The following RAVER2 variants were observed in gnomAD, a reference collection of about 807,000 sequenced individuals.
RAVER2 encodes the protein ribonucleoprotein, PTB binding 2, also known as ribonucleoprotein PTB-binding 2.
Under a neutral mutation model 78.1 loss-of-function variants are expected in RAVER2, and 46 were observed. That is an observed-to-expected ratio of 0.59 (90% CI 0.46 to 0.75). The LOEUF (loss-of-function observed/expected upper bound fraction) is 0.75, where lower values mean the gene tolerates loss of function less well. RAVER2 is among the 30% of genes least tolerant of loss of function. The pLI is 0.00. For synonymous variants in RAVER2, 311 were observed against 313.3 expected (o/e 0.99, Z 0.08); for missense variants, 793 against 837.5 (o/e 0.95, Z 0.66).
chr1:64,783,341 C>T (rs575547071), intron 4 of RAVER2, among the ~76,000 whole-genome samples: 1 of 152,286 alleles, frequency 6.6e-6, no homozygotes, highest in South Asian at 2.1e-4. Context: ...AATTTACACT[C>T]CCACCAACAG....
chr1:64,810,223 A>G (rs1653566681), intron 9 of RAVER2, among the ~76,000 whole-genome samples: 1 of 152,206 alleles, frequency 6.6e-6, no homozygotes, highest in African/African-American at 2.4e-5. Flanking sequence ...ATTTTCCAAC[A>G]TCCTTGCCAA....
chr1:64,801,160 G>A (rs1180383671), intron 5 of RAVER2, among the ~76,000 whole-genome samples: 4 of 151,300 alleles, frequency 2.6e-5, no homozygotes, highest in South Asian at 2.1e-4. Context: ...GTGTAATGGC[G>A]TGATCTCAGC....
intron 11 of RAVER2, 36 bp from the exon 12 acceptor site, chr1:64,830,803 G>T: frequency 6.5e-7 from 1 of 1,538,170 alleles, no homozygotes; most frequent in Non-Finnish European, 8.9e-7. Flanking sequence ...GCCAACTTTA[G>T]ATTTTAAAAC....
chr1:64,750,053 A>G lies in RAVER2; in HGVS notation c.249+4632A>G, dbSNP rs1651654244. Among the ~76,000 whole-genome samples the G allele has an allele frequency of 2.6e-5, 4 of 152,302 alleles. No homozygotes were observed. The South Asian group carries it at 8.3e-4, about 32-fold the overall frequency. ...AGACAATGTGAAGTGCTTAGGGCCA[A>G]CATTCAGGATCAGTAATAGAGGAAA... is the stretch of plus-strand genomic sequence containing the variant. On this transcript the variant is annotated intron_variant, in intron 1 of 11. Coordinates refer to ENST00000294428, the Ensembl canonical transcript of RAVER2.
intron 5 of RAVER2, among the ~76,000 whole-genome samples, chr1:64,790,538 A>G (rs2100853429): frequency 6.6e-6 from 1 of 152,330 alleles, no homozygotes; most frequent in Non-Finnish European, 1.5e-5. Flanking sequence ...TTCAGTGAAA[A>G]GGTTAAAACA....
At chr1:64,769,033 CTG>C (rs2100823493) in intron 2 of RAVER2, among the ~76,000 whole-genome samples, 1 of 152,102 alleles carries the variant, frequency 6.6e-6, no homozygotes, top group African/African-American at 2.4e-5. Flanking sequence ...AGTGAATAGA[CTG>C]TATGACTTGA....
At chr1:64,753,285 G>A (rs1441039741) in intron 1 of RAVER2, among the ~76,000 whole-genome samples, 2 of 151,880 alleles carry the variant, frequency 1.3e-5, no homozygotes, top group African/African-American at 2.4e-5. Flanking sequence ...AAACTCCTAG[G>A]CTCAACCAAT....
At chr1:64,820,444 G>C (rs921356391) in intron 11 of RAVER2, among the ~76,000 whole-genome samples, 25 of 151,924 alleles carry the variant, frequency 1.6e-4, no homozygotes, top group Admixed American at 1.6e-3. Context: ...GGGGGTACAC[G>C]TGAATGTTTA....
At chr1:64,747,012 A>G (rs1249412523) in intron 1 of RAVER2, among the ~76,000 whole-genome samples, 1 of 152,222 alleles carries the variant, frequency 6.6e-6, no homozygotes, top group East Asian at 1.9e-4. Context: ...TTCTAAATAT[A>G]TTTAGACCCC....
chr1:64,753,369 T>A (rs1397244795), intron 1 of RAVER2, among the ~76,000 whole-genome samples: 1 of 152,014 alleles, frequency 6.6e-6, no homozygotes, highest in African/African-American at 2.4e-5. Flanking sequence ...TTAAAAAAAA[T>A]ATTTTTGTTT....
At chr1:64,752,888 A>G (rs886318645) in intron 1 of RAVER2, among the ~76,000 whole-genome samples, 6 of 152,158 alleles carry the variant, frequency 3.9e-5, no homozygotes, top group Non-Finnish European at 8.8e-5. Flanking sequence ...GCTGCAGCTG[A>G]CAGTCATTAA....
At chr1:64,780,787 T>C (rs755789364) in intron 3 of RAVER2, among the ~76,000 whole-genome samples, 4 of 152,226 alleles carry the variant, frequency 2.6e-5, no homozygotes, top group Non-Finnish European at 5.9e-5. Context: ...AAGTTCTACA[T>C]GGCAGGAGTT....
rs1003655891 is a variant in RAVER2, at chr1:64,780,088, A to T, written c.787-1292A>T. Among the ~76,000 whole-genome samples the T allele has an allele frequency of 2.0e-5, 3 of 151,918 alleles. No individual in the cohort carries two copies. In the South Asian group the frequency reaches 6.2e-4, roughly 32 times the overall value. On this transcript the variant is annotated intron_variant, in intron 3 of 11. Coordinates refer to ENST00000294428, the Ensembl canonical transcript of RAVER2. ...TAATGAAATAGAATAGTAAAAAAAA[A>T]TTTTTAAGTTTTCAAAAGATTAATA...
At chr1:64,832,337 A>AT (rs1348913035) in exon 12 of RAVER2, 1 of 152,502 alleles carries the variant, frequency 6.6e-6, no homozygotes, top group East Asian at 1.9e-4. Context: ...AAAATCAGTT[A>AT]TTTAACCCAA....
At chr1:64,804,044 A>G (rs529773246) in intron 6 of RAVER2, among the ~76,000 whole-genome samples, 1 of 152,152 alleles carries the variant, frequency 6.6e-6, no homozygotes, top group African/African-American at 2.4e-5. Context: ...TCCCACTACA[A>G]CAGCCTGGTT....
At chr1:64,801,987 G>T (rs1193408318) in intron 5 of RAVER2, among the ~76,000 whole-genome samples, 2 of 152,222 alleles carry the variant, frequency 1.3e-5, no homozygotes, top group African/African-American at 2.4e-5. Flanking sequence ...ACAAGAGGTG[G>T]ATTATTCATG....
At chr1:64,749,138 C>T (rs546778946) in intron 1 of RAVER2, among the ~76,000 whole-genome samples, 1 of 152,182 alleles carries the variant, frequency 6.6e-6, no homozygotes, top group Non-Finnish European at 1.5e-5. Flanking sequence ...TGCACCCAGC[C>T]ATCAGTCTCA....
At chr1:64,823,474 T>C (rs959018675) in intron 11 of RAVER2, among the ~76,000 whole-genome samples, 3 of 152,218 alleles carry the variant, frequency 2.0e-5, no homozygotes, top group Non-Finnish European at 4.4e-5. Context: ...CAGTTATTAA[T>C]AGCATTATAG....
intron 11 of RAVER2, among the ~76,000 whole-genome samples, chr1:64,817,503 C>T (rs976517897): frequency 2.6e-5 from 4 of 152,100 alleles, no homozygotes; most frequent in Non-Finnish European, 5.9e-5. Context: ...GGAACCAACC[C>T]AAACGTCCAT....
Sources: gnomAD v4.1 joint callset for allele counts (sites outside exome capture counted in the v4.1 genomes callset) on GRCh38, gnomAD v4.1.1 for gene constraint, MANE v1.5 for transcripts, NCBI Gene and HGNC (gene_info 2026-07-23, HGNC 2026-07-21) for gene names.